The following DPYSL2 variants were observed in gnomAD, a reference collection of about 807,000 sequenced individuals.
DPYSL2 encodes dihydropyrimidinase-related protein 2.
Under a neutral mutation model 69.9 loss-of-function variants are expected in DPYSL2, and 13 were observed. The ratio of observed to expected loss-of-function variants is 0.19; its 90% CI spans 0.12 to 0.30. DPYSL2 has a LOEUF of 0.30. Ranked by LOEUF, DPYSL2 falls within the 10% of genes least tolerant of loss-of-function variation. DPYSL2 has a pLI of 1.00. For synonymous variants in DPYSL2, 326 were observed against 359.1 expected, an observed-to-expected ratio of 0.91 and a Z score of 1.04; for missense variants, 587 against 918.9, an observed-to-expected ratio of 0.64 and a Z score of 4.67.
chr8:26,610,852 A>G lies in DPYSL2; in HGVS notation c.629-13291A>G, dbSNP rs1802207771. ...GGCCCTACTGTTGTTAGCTGTTCGT[A>G]GATACTATTTCAGAACAATGCTGTG... On this transcript the variant is annotated intron_variant, in intron 3 of 13. Coordinates refer to ENST00000521913, the MANE Select transcript of DPYSL2 (RefSeq NM_001197293.3). The surrounding 1 kb of genome is among the most constrained non-coding windows in gnomAD (Gnocchi z 4.5). Among the ~76,000 whole-genome samples, 1 of 152,190 alleles carries G rather than the reference A, an allele frequency of 6.6e-6. No individual in the cohort carries two copies. The highest frequency in any genetic ancestry group is 2.4e-5 in the African/African-American group (1 of 41,434).
chr8:26,579,109 C>T (rs1801426757), intron 1 of DPYSL2, among the ~76,000 whole-genome samples: 1 of 152,248 alleles, frequency 6.6e-6, no homozygotes, highest in Admixed American at 6.5e-5. Context: ...GCGGGGACCG[C>T]GGCGAGCGGC....
chr8:26,558,814 A>C (rs1327724218), intron 1 of DPYSL2, among the ~76,000 whole-genome samples: 1 of 152,056 alleles, frequency 6.6e-6, no homozygotes, highest in Non-Finnish European at 1.5e-5. Context: ...TAATGTATAA[A>C]CTCTGTTGTA....
At chr8:26,625,674 G>T (rs327225) in intron 4 of DPYSL2, among the ~76,000 whole-genome samples, 124,283 of 152,112 alleles carry the variant, frequency 0.82, 50,829 homozygotes, top group East Asian at 0.93. Context: ...AAAATCATTT[G>T]CTTAAAAATC....
chr8:26,557,919 C>A (rs533014521), intron 1 of DPYSL2, among the ~76,000 whole-genome samples: 37 of 151,898 alleles, frequency 2.4e-4, no homozygotes, highest in Admixed American at 3.9e-4. Flanking sequence ...ATGGAGAGTT[C>A]CTGTCGCTCT....
intron 3 of DPYSL2, among the ~76,000 whole-genome samples, chr8:26,589,866 G>A (rs2129766831): frequency 6.6e-6 from 1 of 152,344 alleles, no homozygotes; most frequent in South Asian, 2.1e-4. Context: ...CACCACAGTG[G>A]ACCCAGCAGT....
intron 3 of DPYSL2, among the ~76,000 whole-genome samples, chr8:26,622,506 ATTT>A (rs57951590): frequency 1.2e-4 from 15 of 127,310 alleles, no homozygotes; most frequent in South Asian, 5.0e-4. Context: ...GTATATATAT[ATTT>A]TTTTTTTTCT....
intron 1 of DPYSL2, chr8:26,577,760 C>T (rs922661674): frequency 1.2e-4 from 118 of 976,964 alleles, no homozygotes; most frequent in Non-Finnish European, 1.4e-4. Context: ...CCTGCCGCCC[C>T]CGGCCGTTCA....
intron 1 of DPYSL2, among the ~76,000 whole-genome samples, chr8:26,567,762 G>A (rs1381456639): frequency 6.6e-6 from 1 of 152,204 alleles, no homozygotes; most frequent in African/African-American, 2.4e-5. Flanking sequence ...AGCCCGGCAC[G>A]CACAGGGAAT....
chr8:26,639,671 C>T lies in DPYSL2; in HGVS notation c.1127-3768C>T, dbSNP rs556384094. 1.3e-3 allele frequency among the ~76,000 whole-genome samples: 205 copies of T among 152,304 alleles called. 1 individual carries two copies. Among genetic ancestry groups the T allele is most frequent in the African/African-American group, 4.8e-3 (199 of 41,558 alleles). On this transcript the variant is annotated intron_variant, in intron 8 of 13. Coordinates refer to ENST00000521913, the MANE Select transcript of DPYSL2 (RefSeq NM_001197293.3). ...ACAATTAGGAGCAACCAACCACTCTCGTTATACTTGTTAATTTTACAAAAA... is the reference window on the plus strand; with the variant it reads ...ACAATTAGGAGCAACCAACCACTCTTGTTATACTTGTTAATTTTACAAAAA...
intron 1 of DPYSL2, among the ~76,000 whole-genome samples, chr8:26,579,321 C>T (rs553708304): frequency 6.6e-6 from 1 of 152,378 alleles, no homozygotes; most frequent in African/African-American, 2.4e-5. Context: ...CTGCTCCCTC[C>T]CTCTCCCCAT....
chr8:26,578,319 C>A, intron 1 of DPYSL2: 1 of 1,613,818 alleles, frequency 6.2e-7, no homozygotes, highest in Non-Finnish European at 8.5e-7. Context: ...GGGAAATCTG[C>A]GGTCGGCCAG....
intron 7 of DPYSL2, among the ~76,000 whole-genome samples, chr8:26,634,458 T>C (rs527745820): frequency 1.3e-5 from 2 of 149,904 alleles, no homozygotes; most frequent in East Asian, 3.9e-4. Flanking sequence ...TTAATTGTAT[T>C]TGTAGTAGAT....
intron 3 of DPYSL2, among the ~76,000 whole-genome samples, chr8:26,622,308 C>T (rs1233587079): frequency 6.6e-6 from 1 of 151,862 alleles, no homozygotes; most frequent in East Asian, 1.9e-4. Flanking sequence ...TTGAACTGGA[C>T]ATCATTTTTG....
intron 1 of DPYSL2, among the ~76,000 whole-genome samples, chr8:26,557,997 T>C (rs1801016814): frequency 6.6e-6 from 1 of 151,900 alleles, no homozygotes; most frequent in South Asian, 2.1e-4. Flanking sequence ...CTGGTGAGGA[T>C]GCAAAATGGT....
intron 3 of DPYSL2, among the ~76,000 whole-genome samples, chr8:26,601,505 G>A (rs1447476710): frequency 6.6e-6 from 1 of 152,126 alleles, no homozygotes; most frequent in Admixed American, 6.5e-5. Flanking sequence ...AGCCTCCCAA[G>A]TAGCTGGGAC....
At chr8:26,590,743 G>C (rs1009687598) in intron 3 of DPYSL2, among the ~76,000 whole-genome samples, 4 of 152,382 alleles carry the variant, frequency 2.6e-5, no homozygotes, top group East Asian at 1.9e-4. Flanking sequence ...GCCTGGCACT[G>C]AGCAGAGCGG....
rs566891679 is a variant in DPYSL2, at chr8:26,643,783, A to G, written c.1284-167A>G. ...GCACCATTTTGGGAGGGGATTCTGGATAAAAACCTGGGCCATGTTGAAAGT... is the reference window on the plus strand; with the variant it reads ...GCACCATTTTGGGAGGGGATTCTGGGTAAAAACCTGGGCCATGTTGAAAGT... On this transcript the variant is annotated intron_variant, in intron 9 of 13. Transcript: ENST00000521913. The surrounding 1 kb of genome is among the most constrained non-coding windows in gnomAD (Gnocchi z 6.5). Among the ~76,000 whole-genome samples the G allele has an allele frequency of 4.6e-5, 7 of 152,334 alleles. No homozygotes were observed. The highest frequency in any genetic ancestry group is 8.8e-5 in the Non-Finnish European group (6 of 68,032).
chr8:26,529,453 A>T (rs1800459829), intron 1 of DPYSL2, among the ~76,000 whole-genome samples: 1 of 151,860 alleles, frequency 6.6e-6, no homozygotes, highest in Non-Finnish European at 1.5e-5. Context: ...AGTAGCTGGG[A>T]CTATAGGTGT....
chr8:26,642,823 C>G lies in DPYSL2; in HGVS notation c.1127-616C>G, dbSNP rs1323096268. On this transcript the variant is annotated intron_variant, in intron 8 of 13. Coordinates refer to ENST00000521913, the MANE Select transcript of DPYSL2 (RefSeq NM_001197293.3). The surrounding 1 kb of genome is among the most constrained non-coding windows in gnomAD (Gnocchi z 5.3). Reference sequence around the variant, plus strand: ...TAATGTCCAGTTTGTTTCTCTCTCACAGAGTCAGCTGTGAAGATGGTGGCT... The same window carrying G: ...TAATGTCCAGTTTGTTTCTCTCTCAGAGAGTCAGCTGTGAAGATGGTGGCT... 3.3e-5 allele frequency: 5 copies of G among 152,284 alleles called. No individual in the cohort carries two copies. The highest frequency in any genetic ancestry group is 9.7e-5 in the African/African-American group (4 of 41,450). 9.4% of individuals were successfully genotyped at this position (152,284 alleles called of 1,614,324 possible).
Sources: gnomAD v4.1 joint callset for allele counts (sites outside exome capture counted in the v4.1 genomes callset) on GRCh38, gnomAD v4.1.1 for gene constraint, Gnocchi (gnomAD v3.1) non-coding constraint, MANE v1.5 for transcripts, NCBI Gene and HGNC (gene_info 2026-07-23, HGNC 2026-07-21) for gene names.